The following EIF2AK3 variants were observed in gnomAD, a reference collection of about 807,000 sequenced individuals.
EIF2AK3 encodes the protein eukaryotic translation initiation factor 2-alpha kinase 3.
EIF2AK3 carries 50 observed loss-of-function variants against 113.5 expected under a neutral mutation model. The observed-to-expected ratio is 0.44, with a 90% confidence interval of 0.35 to 0.56. The LOEUF is 0.56. Ranked by LOEUF, EIF2AK3 falls within the 20% of genes least tolerant of loss-of-function variation. The probability of loss-of-function intolerance (pLI) is 0.00; values close to 1 mark genes in which losing one functional copy is unlikely to be tolerated. For synonymous variants in EIF2AK3, 448 were observed against 495.4 expected (o/e 0.90, Z 1.27); for missense variants, 1,185 against 1,378.0 (o/e 0.86, Z 2.22).
chr2:88,596,328 T>C (rs1040809613), intron 2 of EIF2AK3, among the ~76,000 whole-genome samples: 2 of 152,276 alleles, frequency 1.3e-5, no homozygotes, highest in Non-Finnish European at 1.5e-5. Flanking sequence ...GGCTTACCTA[T>C]GGCCTGGCAC....
chr2:88,575,470 G>A, intron 12 of EIF2AK3, 24 bp from the exon 13 acceptor site: 1 of 1,600,974 alleles, frequency 6.2e-7, no homozygotes, highest in South Asian at 1.1e-5. Context: ...AAATACAAAG[G>A]GGTAAGAGTG....
chr2:88,624,953 T>C (rs1184216855), intron 1 of EIF2AK3: 1 of 152,270 alleles, frequency 6.6e-6, no homozygotes, highest in East Asian at 1.9e-4. Context: ...CCTTTTGGTA[T>C]TCTTAACTCA....
At chr2:88,599,064 T>G (rs1419936551) in intron 2 of EIF2AK3, among the ~76,000 whole-genome samples, 6 of 152,074 alleles carry the variant, frequency 3.9e-5, no homozygotes. Context: ...CAACTGTCTG[T>G]AGTTTGAAAT....
At chr2:88,574,452 T>C (rs1674398166) in intron 13 of EIF2AK3, 1 of 602,018 alleles carries the variant, frequency 1.7e-6, no homozygotes, top group African/African-American at 1.9e-5. Context: ...AACACATTAC[T>C]GAAGACAATG....
At chr2:88,571,559 G>T (rs1051966766) in intron 13 of EIF2AK3, among the ~76,000 whole-genome samples, 1 of 152,168 alleles carries the variant, frequency 6.6e-6, no homozygotes, top group Non-Finnish European at 1.5e-5. Flanking sequence ...ATTGCCCAAG[G>T]TTACCCAACT....
chr2:88,624,531 G>A (rs1675811323), intron 1 of EIF2AK3, among the ~76,000 whole-genome samples: 2 of 152,288 alleles, frequency 1.3e-5, no homozygotes, highest in South Asian at 4.1e-4. Context: ...AACCTAGCCA[G>A]CTGTATTTCT....
intron 2 of EIF2AK3, among the ~76,000 whole-genome samples, chr2:88,606,239 G>A (rs1018013241): frequency 1.3e-5 from 2 of 151,230 alleles, no homozygotes; most frequent in Admixed American, 1.3e-4. Flanking sequence ...AACTATCTCT[G>A]CCTTCACCTA....
In EIF2AK3 at chr2:88,575,098, A is replaced by G. The variant is rs140169510; in HGVS notation, c.2385T>C (p.Tyr795=). The change falls in exon 13 of 17, where the codon TAT becomes TAC. Residue 795 remains tyrosine (Y), a synonymous_variant. Transcript: ENST00000303236. ...FELCPSEASP[Y]VRSRERTSSS... Reference sequence around the variant, plus strand: ...AGGAGGTTCTCTCCCTTGACCTTACATAAGGAGAAGCTTCAGAAGGACAAA... The same window carrying G: ...AGGAGGTTCTCTCCCTTGACCTTACGTAAGGAGAAGCTTCAGAAGGACAAA... 29 of 1,614,080 alleles carry G rather than the reference A, an allele frequency of 1.8e-5. No homozygotes were observed. In the African/African-American group the frequency reaches 3.1e-4, roughly 17 times the overall value.
chr2:88,605,735 C>T (rs1675254346), intron 2 of EIF2AK3, among the ~76,000 whole-genome samples: 1 of 151,806 alleles, frequency 6.6e-6, no homozygotes, highest in South Asian at 2.1e-4. Flanking sequence ...ACTGACTACA[C>T]TACTAGATAT....
chr2:88,587,097 C>T (rs958008872), intron 8 of EIF2AK3, among the ~76,000 whole-genome samples: 2 of 145,610 alleles, frequency 1.4e-5, no homozygotes, highest in South Asian at 4.5e-4. Flanking sequence ...CCCAGCTACT[C>T]GGGAGGCTGA....
At chr2:88,577,946 C>A (rs1674504297) in intron 11 of EIF2AK3, among the ~76,000 whole-genome samples, 1 of 152,158 alleles carries the variant, frequency 6.6e-6, no homozygotes, top group African/African-American at 2.4e-5. Flanking sequence ...TCATGAGAAG[C>A]TATTAATATT....
At chr2:88,584,932 A>G (rs1674682502) in intron 9 of EIF2AK3, among the ~76,000 whole-genome samples, 1 of 152,126 alleles carries the variant, frequency 6.6e-6, no homozygotes, top group Non-Finnish European at 1.5e-5. Context: ...CAGGCAGGGT[A>G]CGAATCATTC....
chr2:88,557,647 CTT>C lies in EIF2AK3; in HGVS notation c.*87_*88del. The C allele has an allele frequency of 2.8e-6, 4 of 1,443,650 alleles. No individual in the cohort carries two copies. Among genetic ancestry groups the C allele is most frequent in the Non-Finnish European group, 3.9e-6 (4 of 1,026,034 alleles). 89.4% of individuals were successfully genotyped at this position (1,443,650 alleles called of 1,614,324 possible). On this transcript the variant is annotated 3_prime_UTR_variant, in exon 17 of 17. Coordinates refer to ENST00000303236, the MANE Select transcript of EIF2AK3 (RefSeq NM_004836.7). The stretch of plus-strand genomic sequence containing the variant: ...ACAAAAAAATTGAGCGAAGAACAAA[CTT>C]TTCAAGTCTGCAATTTTGGACAGGC...
intron 14 of EIF2AK3, among the ~76,000 whole-genome samples, chr2:88,563,464 A>G (rs1674019080): frequency 1.3e-5 from 2 of 152,172 alleles, no homozygotes. Context: ...AAAATGTGCA[A>G]AAACAAATCT....
chr2:88,566,964 A>C (rs907800058), intron 14 of EIF2AK3, among the ~76,000 whole-genome samples: 1 of 152,168 alleles, frequency 6.6e-6, no homozygotes, highest in Non-Finnish European at 1.5e-5. Context: ...TAAAATTTCC[A>C]GCCAGCAAAA....
At chr2:88,583,355 T>G in intron 10 of EIF2AK3, 75 bp downstream of exon 10, 7 of 1,154,206 alleles carry the variant, frequency 6.1e-6, no homozygotes, top group Non-Finnish European at 9.0e-6. Flanking sequence ...TATCCACACA[T>G]TAAAAAAAAA....
At chr2:88,557,961 G>T in intron 16 of EIF2AK3, 25 bp from the exon 17 acceptor site, 2 of 1,609,026 alleles carry the variant, frequency 1.2e-6, no homozygotes, top group Middle Eastern at 1.7e-4. Flanking sequence ...ATTGTTTTGT[G>T]ATAAAACGGC....
Position 88,570,900 on chromosome 2 carries a change from T to C in EIF2AK3, c.2959A>G (p.Thr987Ala), listed in dbSNP as rs368610114. The C allele has an allele frequency of 6.2e-7, 1 of 1,614,030 alleles. No individual in the cohort carries two copies. The highest frequency in any genetic ancestry group is 8.5e-7 in the Non-Finnish European group (1 of 1,180,014). Reference protein sequence around the residue: ...AYARHTGQVGTKLYMSPEQIH... With the variant: ...AYARHTGQVGAKLYMSPEQIH... Reference sequence around the variant, plus strand: ...TGCTCTGGGCTCATATACAGTTTGGTCCCTACTTGTCCTGTGTGTCTGGCA... The same window carrying C: ...TGCTCTGGGCTCATATACAGTTTGGCCCCTACTTGTCCTGTGTGTCTGGCA... Residue 987 changes from threonine to alanine, a missense_variant, in exon 14 of 17, where the codon ACC (threonine) becomes GCC (alanine). Thr to Ala is a moderately conservative substitution (Grantham distance 58). Transcript: ENST00000303236.
intron 14 of EIF2AK3, among the ~76,000 whole-genome samples, chr2:88,563,354 A>G (rs1229559560): frequency 6.6e-6 from 1 of 152,190 alleles, no homozygotes; most frequent in African/African-American, 2.4e-5. Flanking sequence ...GGAAAGCTTC[A>G]GTGACCACAT....
Sources: allele counts gnomAD v4.1 joint callset (sites outside exome capture counted in the v4.1 genomes callset), GRCh38; gene constraint gnomAD v4.1.1; transcripts MANE v1.5; gene names NCBI Gene and HGNC (gene_info 2026-07-23, HGNC 2026-07-21).